Variants in TRAF3IP3 observed in about 807,000 individuals in gnomAD.
TRAF3IP3 encodes the protein TRAF3 interacting protein 3.
In TRAF3IP3, 64 loss-of-function variants were observed where a neutral mutation model predicts 86.5. That is an observed-to-expected ratio of 0.74 (90% CI 0.60 to 0.91). TRAF3IP3 has a LOEUF of 0.91. Ranked by LOEUF, TRAF3IP3 falls within the 40% of genes least tolerant of loss-of-function variation. The probability of loss-of-function intolerance (pLI) is 0.00; values close to 1 mark genes in which losing one functional copy is unlikely to be tolerated. For synonymous variants in TRAF3IP3, 220 were observed against 243.9 expected (o/e 0.90, Z 0.91); for missense variants, 579 against 642.9 (o/e 0.90, Z 1.07).
Position 209,763,076 on chromosome 1 carries a change from T to C in TRAF3IP3, c.560T>C (p.Val187Ala), listed in dbSNP as rs1023295344. ...NDASQQTNYG[V>A]AVLDKEIIQL... Reference sequence around the variant, plus strand: ...ATTTCTTCTCTTTCCAGTTACGGAGTTGCAGTTCTGGATAAGGTAAGCACA... The same window carrying C: ...ATTTCTTCTCTTTCCAGTTACGGAGCTGCAGTTCTGGATAAGGTAAGCACA... The change falls in exon 6 of 17, where the codon GTT becomes GCT. Residue 187 changes from valine to alanine, a missense_variant. Coordinates refer to ENST00000367025, the MANE Select transcript of TRAF3IP3 (RefSeq NM_025228.4). The C allele has an allele frequency of 1.2e-6, 2 of 1,613,494 alleles. No individual in the cohort carries two copies. The highest frequency in any genetic ancestry group is 8.5e-7 in the Non-Finnish European group (1 of 1,179,666).
chr1:209,762,940 T>A (rs1161079952), intron 5 of TRAF3IP3, 70 bp downstream of exon 5: 5 of 1,607,836 alleles, frequency 3.1e-6, no homozygotes, highest in South Asian at 2.2e-5. Context: ...TGAATTTCCA[T>A]GTCCGCCTTA....
In TRAF3IP3 at chr1:209,782,248, C is replaced by G; in HGVS notation, c.*100C>G. 4.6e-6 allele frequency: 4 copies of G among 875,748 alleles called. No individual in the cohort carries two copies. Among genetic ancestry groups the G allele is most frequent in the Non-Finnish European group, 7.6e-6 (4 of 526,968 alleles). The allele number at this position is 875,748 out of a possible 1,614,324, so 54.2% of individuals were successfully genotyped here. ...ATTACAGCTTGGGTTTTCCAACTGA[C>G]TTAGGATTTCTGACTTTTTATTAAT... On this transcript the variant is annotated 3_prime_UTR_variant, in exon 17 of 17. Coordinates refer to ENST00000367025, the MANE Select transcript of TRAF3IP3 (RefSeq NM_025228.4).
At chr1:209,760,967 T>C (rs903906669) in intron 3 of TRAF3IP3, among the ~76,000 whole-genome samples, 6 of 152,142 alleles carry the variant, frequency 3.9e-5, no homozygotes, top group African/African-American at 1.4e-4. Flanking sequence ...ATAAAAATAA[T>C]TCCAAAGCTA....
In TRAF3IP3 at chr1:209,782,135, A is replaced by AC. The variant is rs1387200598; in HGVS notation, c.1645dup (p.Leu549ProfsTer8). Reference sequence around the variant, plus strand: ...GCAGTGTTCCTGGCCAATAAAGACAACCTGATGATCTGAATAATTTGTGAC... The same window carrying AC: ...GCAGTGTTCCTGGCCAATAAAGACAACCCTGATGATCTGAATAATTTGTGAC... On this transcript the variant is annotated frameshift_variant, in exon 17 of 17. Transcript: ENST00000367025. LOFTEE classifies it high-confidence loss of function. The AC allele has an allele frequency of 1.2e-6, 2 of 1,613,738 alleles. No individual in the cohort carries two copies. The highest frequency in any genetic ancestry group is 2.7e-5 in the African/African-American group (2 of 74,920).
intron 3 of TRAF3IP3, among the ~76,000 whole-genome samples, chr1:209,761,053 A>G (rs563432312): frequency 4.6e-5 from 7 of 152,380 alleles, no homozygotes; most frequent in African/African-American, 7.2e-5. Flanking sequence ...TTCATCCATC[A>G]GTCATCAAAT....
intron 8 of TRAF3IP3, among the ~76,000 whole-genome samples, chr1:209,770,374 C>T (rs139694818): frequency 5.7e-5 from 8 of 140,444 alleles, no homozygotes; most frequent in African/African-American, 1.6e-4. Context: ...TGGAATTGTG[C>T]GTGTGCATGT....
Position 209,775,716 on chromosome 1 carries a change from G to A in TRAF3IP3, c.1033G>A (p.Val345Met), listed in dbSNP as rs371029719. 9.4e-5 allele frequency: 152 copies of A among 1,612,938 alleles called. No homozygotes were observed. The East Asian group carries it at 3.0e-3, about 32-fold the overall frequency. ...QHRELESQLH[V>M]LQSKLQGADS... ...CAGGGAGCTGGAGAGCCAACTCCAC[G>A]TGCTTCAGTCCAAACTGCAGGTACC... Residue 345 changes from valine to methionine, a missense_variant, in exon 11 of 17, where the codon GTG becomes ATG. Physicochemically the swap from Val to Met is conservative, Grantham distance 21 (BLOSUM62 1). Coordinates refer to ENST00000367025, the MANE Select transcript of TRAF3IP3 (RefSeq NM_025228.4).
intron 8 of TRAF3IP3, among the ~76,000 whole-genome samples, chr1:209,765,260 A>AGGAAGGAAGGAAGGAC (rs2077333721): frequency 6.8e-6 from 1 of 147,354 alleles, no homozygotes; most frequent in Admixed American, 6.8e-5. Context: ...GAAGGAAGGA[A>AGGAAGGAAGGAAGGAC]GGAAGGAAGG....
At chr1:209,762,457 G>A (rs1008798630) in intron 3 of TRAF3IP3, 58 bp from the exon 4 acceptor site, 1 of 1,410,736 alleles carries the variant, frequency 7.1e-7, no homozygotes. Flanking sequence ...AAATCATCAG[G>A]AGAGTCTTTC....
intron 11 of TRAF3IP3, 33 bp downstream of exon 11, chr1:209,775,769 G>A (rs1410379764): frequency 1.3e-6 from 2 of 1,581,598 alleles, no homozygotes; most frequent in African/African-American, 1.3e-5. Context: ...AGGGAAGACA[G>A]GGTATGGGGA....
At position 209,763,573 on chromosome 1, in the gene TRAF3IP3, GA is replaced by G; in HGVS notation, c.689del (p.Asp230AlafsTer13). 1 of 1,613,822 alleles carries G rather than the reference GA, an allele frequency of 6.2e-7. No homozygotes were observed. The highest frequency in any genetic ancestry group is 1.1e-5 in the South Asian group (1 of 91,056). On this transcript the variant is annotated frameshift_variant, in exon 8 of 17. Coordinates refer to ENST00000367025, the MANE Select transcript of TRAF3IP3 (RefSeq NM_025228.4). LOFTEE classifies it high-confidence loss of function. ...ACTGTCCACTCTGATTCAGGCCTCT[GA>G]CAGCTCTTGGAAGGTAAGGGAATGA... is the stretch of plus-strand genomic sequence containing the variant. ...DLLSTLIQAS[D>X]SSWKGQLNED...
At chr1:209,759,508 C>T (rs2077208197) in intron 2 of TRAF3IP3, among the ~76,000 whole-genome samples, 1 of 152,196 alleles carries the variant, frequency 6.6e-6, no homozygotes, top group Non-Finnish European at 1.5e-5. Flanking sequence ...TTAGTGACAG[C>T]TTGGACCAAG....
chr1:209,769,010 A>C (rs2077411390), intron 8 of TRAF3IP3, among the ~76,000 whole-genome samples: 2 of 152,226 alleles, frequency 1.3e-5, no homozygotes, highest in Admixed American at 1.3e-4. Context: ...ATGGAAAAGT[A>C]ATTTGGGGTT....
intron 8 of TRAF3IP3, among the ~76,000 whole-genome samples, chr1:209,764,801 T>G (rs1357505706): frequency 6.6e-6 from 1 of 151,806 alleles, no homozygotes; most frequent in African/African-American, 2.4e-5. Flanking sequence ...GGTTCTCCAA[T>G]TTTTTTATTT....
chr1:209,779,189 G>C (rs1302508511), intron 13 of TRAF3IP3, 126 bp from the exon 14 acceptor site: 4 of 692,894 alleles, frequency 5.8e-6, no homozygotes, highest in Non-Finnish European at 9.8e-6. Flanking sequence ...ATATTCTGGG[G>C]GACAAAATTC....
At chr1:209,779,402 A>G (rs1184458571) in intron 14 of TRAF3IP3, 28 bp downstream of exon 14, 2 of 1,594,842 alleles carry the variant, frequency 1.3e-6, no homozygotes, top group South Asian at 2.2e-5. Context: ...CACAAATTCT[A>G]AGATATTGCT....
Position 209,759,974 on chromosome 1 carries a change from T to C in TRAF3IP3, c.-58-8T>C. 7.3e-7 allele frequency: 1 copy of C among 1,376,328 alleles called. No homozygotes were observed. The highest frequency in any genetic ancestry group is 2.3e-5 in the East Asian group (1 of 43,322). The allele number at this position is 1,376,328 out of a possible 1,614,324, so 85.3% of individuals were successfully genotyped here. On this transcript the variant is annotated splice_polypyrimidine_tract_variant and splice_region_variant and intron_variant, in intron 2 of 16. Transcript: ENST00000367025. ...CCTCCCCTTCTCCTCCCTCTTGGCA[T>C]TTGGCAGATCCAGGCATCTATTCCA... is the stretch of plus-strand genomic sequence containing the variant.
At chr1:209,765,412 A>C (rs1033376270) in intron 8 of TRAF3IP3, among the ~76,000 whole-genome samples, 1 of 152,172 alleles carries the variant, frequency 6.6e-6, no homozygotes, top group African/African-American at 2.4e-5. Context: ...CACACCTGTA[A>C]TCCCAGACTT....
At chr1:209,761,484 G>C (rs575391456) in intron 3 of TRAF3IP3, among the ~76,000 whole-genome samples, 2 of 152,288 alleles carry the variant, frequency 1.3e-5, no homozygotes, top group African/African-American at 4.8e-5. Context: ...TCCCTACCCA[G>C]AGTGGGTACT....
Sources: gnomAD v4.1 joint callset for allele counts (sites outside exome capture counted in the v4.1 genomes callset) on GRCh38, gnomAD v4.1.1 for gene constraint, MANE v1.5 for transcripts, NCBI Gene and HGNC (gene_info 2026-07-23, HGNC 2026-07-21) for gene names.